Variants in BUB1B observed in about 807,000 individuals in gnomAD.
BUB1B encodes the protein BUB1 mitotic checkpoint serine/threonine kinase B.
Under a neutral mutation model 137.7 loss-of-function variants are expected in BUB1B, and 86 were observed. The ratio of observed to expected loss-of-function variants is 0.62; its 90% CI spans 0.52 to 0.75. The LOEUF is 0.75. Among genes scored for constraint, BUB1B ranks in the 30% least tolerant of loss-of-function variants. BUB1B has a pLI of 0.00. For missense variants in BUB1B, 1,130 were observed against 1,236.9 expected (o/e 0.91, Z 1.30); for synonymous variants, 420 against 417.9 (o/e 1.00, Z -0.06).
intron 7 of BUB1B, 52 bp from the exon 8 acceptor site, chr15:40,185,499 C>CT: frequency 6.3e-7 from 1 of 1,595,338 alleles, no homozygotes; most frequent in South Asian, 1.1e-5. Context: ...TCTATATATG[C>CT]TGTCTGAGAA....
chr15:40,181,294 T>C (rs8023395), intron 5 of BUB1B, among the ~76,000 whole-genome samples: 70,668 of 151,756 alleles, frequency 0.47, 17,373 homozygotes, highest in Non-Finnish European at 0.56. Flanking sequence ...TTTCTCCATG[T>C]TGGTCAGGCT....
At chr15:40,203,127 C>G (rs59494063) in intron 14 of BUB1B, among the ~76,000 whole-genome samples, 7 of 152,052 alleles carry the variant, frequency 4.6e-5, no homozygotes, top group Non-Finnish European at 1.0e-4. Flanking sequence ...AGCCGTATTA[C>G]TCATGATAGT....
At chr15:40,165,957 AT>A (rs58159186) in intron 2 of BUB1B, among the ~76,000 whole-genome samples, 20,265 of 151,366 alleles carry the variant, frequency 0.13, 1,478 homozygotes, top group Non-Finnish European at 0.15. Context: ...GTTTTAAGTG[AT>A]TCTCCCACCT....
chr15:40,185,718 G>A, intron 8 of BUB1B, 76 bp downstream of exon 8: 1 of 1,385,900 alleles, frequency 7.2e-7, no homozygotes, highest in South Asian at 1.2e-5. Context: ...CTTCCCAAAG[G>A]CAGTTTCTTC....
chr15:40,196,753 A>C lies in BUB1B; in HGVS notation c.1267A>C (p.Lys423Gln), dbSNP rs1210347119. The change falls in exon 9 of 23, where the codon AAA becomes CAA. Residue 423 changes from lysine (K) to glutamine (Q), a missense_variant. By Grantham distance (53) the Lys-to-Gln change is moderately conservative. Transcript: ENST00000287598. The part of the protein sequence containing the change: ...EEIRAEVFRK[K>Q]LKEQREAELL... ...AATTCGGGCTGAAGTTTTCCGGAAG[A>C]AATTAAAAGAGCAAAGGGAAGGTGT... The C allele has an allele frequency of 6.2e-7, 1 of 1,614,046 alleles. No individual in the cohort carries two copies. Among genetic ancestry groups the C allele is most frequent in the South Asian group, 1.1e-5 (1 of 91,080 alleles).
chr15:40,200,871 AAAT>A, intron 11 of BUB1B, 57 bp from the exon 12 acceptor site: 2 of 1,462,262 alleles, frequency 1.4e-6, no homozygotes, highest in Non-Finnish European at 9.6e-7. Context: ...GGACTTTTAA[AAAT>A]TAAACAGTTC....
intron 9 of BUB1B, among the ~76,000 whole-genome samples, chr15:40,198,876 C>A (rs533591997): frequency 2.0e-5 from 3 of 152,074 alleles, no homozygotes; most frequent in Non-Finnish European, 4.4e-5. Flanking sequence ...AAGGATTGAG[C>A]CCACAAGTTT....
At chr15:40,208,863 C>T in intron 16 of BUB1B, 93 bp downstream of exon 16, 1 of 1,297,280 alleles carries the variant, frequency 7.7e-7, no homozygotes, top group Admixed American at 1.7e-5. Flanking sequence ...GAGACAGGGT[C>T]TCACTCTGTC....
At chr15:40,162,708 A>G (rs1481987243) in intron 1 of BUB1B, among the ~76,000 whole-genome samples, 1 of 152,142 alleles carries the variant, frequency 6.6e-6, no homozygotes, top group Non-Finnish European at 1.5e-5. Flanking sequence ...GAGAAAGAGG[A>G]AGACTGTGGG....
intron 20 of BUB1B, among the ~76,000 whole-genome samples, chr15:40,214,904 A>G (rs1025108757): frequency 2.4e-5 from 3 of 125,042 alleles, no homozygotes; most frequent in African/African-American, 9.3e-5. Flanking sequence ...AATCCCCCCA[A>G]ATTTCCAAGT....
Position 40,170,388 on chromosome 15 carries a change from A to G in BUB1B, c.240-149A>G, listed in dbSNP as rs184525311. ...GCATGTACTAGAGATACTTTGGAGA[A>G]GTTTGAGGGATACAGGCTTAGGGTA... On this transcript the variant is annotated intron_variant, in intron 3 of 22. Coordinates refer to ENST00000287598, the MANE Select transcript of BUB1B (RefSeq NM_001211.6). 4.0e-4 allele frequency: 386 copies of G among 967,164 alleles called. 1 individual carries two copies. In the African/African-American group the frequency reaches 5.9e-3, roughly 15 times the overall value. 59.9% of individuals were successfully genotyped at this position (967,164 alleles called of 1,614,324 possible). A position where few individuals can be genotyped will look rare whatever the true frequency, so the allele number is the denominator to read the frequency against.
In BUB1B at chr15:40,200,953, A is replaced by T. The variant is rs1214932804; in HGVS notation, c.1540A>T (p.Ile514Phe). Residue 514 changes from isoleucine to phenylalanine, a missense_variant, in exon 12 of 23, where the codon ATT (isoleucine) becomes TTT (phenylalanine). By Grantham distance (21) the Ile-to-Phe change is conservative (BLOSUM62 0). Coordinates refer to ENST00000287598, the MANE Select transcript of BUB1B (RefSeq NM_001211.6). ...CARETSLAEN[I>F]WQEQPHSKGP... ...CAGAGAAACTTCACTTGCGGAGAAC[A>T]TTTGGCAGGAACAACCTCATTCTAA... The T allele has an allele frequency of 1.9e-6, 3 of 1,613,380 alleles. No individual in the cohort carries two copies. Among genetic ancestry groups the T allele is most frequent in the Non-Finnish European group, 2.5e-6 (3 of 1,179,552 alleles).
At chr15:40,195,453 G>C (rs773995040) in intron 8 of BUB1B, among the ~76,000 whole-genome samples, 1 of 152,158 alleles carries the variant, frequency 6.6e-6, no homozygotes. Context: ...GCATGTGCAA[G>C]TATCTTTTTC....
chr15:40,208,866 ACT>A (rs1595533037), intron 16 of BUB1B, 96 bp downstream of exon 16: 1 of 1,293,482 alleles, frequency 7.7e-7, no homozygotes, highest in Non-Finnish European at 1.1e-6. Context: ...ACAGGGTCTC[ACT>A]CTGTCACCCA....
chr15:40,199,596 G>T lies in BUB1B; in HGVS notation c.1289-19G>T. 6.2e-7 allele frequency: 1 copy of T among 1,604,778 alleles called. No individual in the cohort carries two copies. The highest frequency in any genetic ancestry group is 8.5e-7 in the Non-Finnish European group (1 of 1,171,650). On this transcript the variant is annotated intron_variant, in intron 9 of 22. Transcript: ENST00000287598. The stretch of plus-strand genomic sequence containing the variant: ...GTTACTATGAGGAATAATACCTCAA[G>T]CAACTTTACTGTTTCTAGCCGAGCT...
At chr15:40,180,254 T>TTTTTC (rs2037270986) in intron 5 of BUB1B, among the ~76,000 whole-genome samples, 1 of 139,272 alleles carries the variant, frequency 7.2e-6, no homozygotes, top group African/African-American at 2.8e-5. Flanking sequence ...TTCGTTTCTT[T>TTTTTC]TTTTTTTTTT....
intron 2 of BUB1B, among the ~76,000 whole-genome samples, chr15:40,168,042 A>C (rs944812564): frequency 2.0e-5 from 3 of 151,846 alleles, no homozygotes; most frequent in African/African-American, 7.3e-5. Flanking sequence ...TCATCTTGTC[A>C]ATTTCTAGAA....
chr15:40,164,481 G>C (rs1273711286), intron 1 of BUB1B, among the ~76,000 whole-genome samples: 4 of 151,948 alleles, frequency 2.6e-5, no homozygotes, highest in African/African-American at 9.7e-5. Flanking sequence ...TCCTGACTCA[G>C]CCTCCCAAAG....
At chr15:40,212,755 C>A in intron 19 of BUB1B, 107 bp downstream of exon 19, 1 of 1,002,848 alleles carries the variant, frequency 1.0e-6, no homozygotes, top group Non-Finnish European at 1.5e-6. Context: ...TAGAAATAGA[C>A]CAATTCAAGT....
Sources: gnomAD v4.1 joint callset for allele counts (sites outside exome capture counted in the v4.1 genomes callset) on GRCh38, gnomAD v4.1.1 for gene constraint, MANE v1.5 for transcripts, NCBI Gene and HGNC (gene_info 2026-07-23, HGNC 2026-07-21) for gene names.